The following PAK1 variants were observed in gnomAD, a reference collection of about 807,000 sequenced individuals.
The protein encoded by PAK1 is p21 (RAC1) activated kinase 1, also known as serine/threonine-protein kinase PAK 1.
PAK1 carries 29 observed loss-of-function variants against 67.4 expected under a neutral mutation model. The ratio of observed to expected loss-of-function variants is 0.43; its 90% CI spans 0.32 to 0.59. PAK1 has a LOEUF of 0.59. Among genes scored for constraint, PAK1 ranks in the 20% least tolerant of loss-of-function variants. The probability of loss-of-function intolerance (pLI) is 0.07; values close to 1 mark genes in which losing one functional copy is unlikely to be tolerated. For missense variants in PAK1, 337 were observed against 670.7 expected (o/e 0.50, Z 5.50); for synonymous variants, 223 against 237.4 (o/e 0.94, Z 0.56).
At chr11:77,452,146 T>C (rs1296632523) in intron 1 of PAK1, among the ~76,000 whole-genome samples, 1 of 152,208 alleles carries the variant, frequency 6.6e-6, no homozygotes, top group Non-Finnish European at 1.5e-5. Flanking sequence ...CACTTTAAAG[T>C]CTTCATTTCA....
At chr11:77,348,098 A>C (rs1321129540) in intron 9 of PAK1, among the ~76,000 whole-genome samples, 1 of 152,208 alleles carries the variant, frequency 6.6e-6, no homozygotes, top group African/African-American at 2.4e-5. Flanking sequence ...GAGCCTAGTG[A>C]GATATGTGCT....
upstream of PAK1, chr11:77,476,619 C>T (rs1205880302): frequency 6.6e-6 from 1 of 152,216 alleles, no homozygotes; most frequent in Non-Finnish European, 1.5e-5. Flanking sequence ...AGATGGTATC[C>T]TGATGATACC....
intron 12 of PAK1, 85 bp downstream of exon 12, chr11:77,337,239 T>C (rs1942853777): frequency 1.6e-6 from 1 of 608,736 alleles, no homozygotes. Flanking sequence ...GTGAGTGTCG[T>C]AGTTACTATT....
chr11:77,500,248 C>A, the PAK1 span, among the ~76,000 whole-genome samples: 1 of 152,248 alleles, frequency 6.6e-6, no homozygotes, highest in Non-Finnish European at 1.5e-5. Flanking sequence ...GTGGGCGGAT[C>A]ACAAGGTCAG....
At chr11:77,453,571 T>A (rs1335596369) in intron 1 of PAK1, among the ~76,000 whole-genome samples, 13 of 150,094 alleles carry the variant, frequency 8.7e-5, no homozygotes, top group Admixed American at 5.3e-4. Context: ...TTTAATTACC[T>A]CACAGGAGAA....
intron 1 of PAK1, among the ~76,000 whole-genome samples, chr11:77,443,849 T>A (rs754089826): frequency 1.1e-4 from 16 of 152,208 alleles, no homozygotes; most frequent in Non-Finnish European, 1.5e-4. Context: ...TGAACCTGTC[T>A]AGGGCACCAA....
intron 1 of PAK1, among the ~76,000 whole-genome samples, chr11:77,451,760 G>A (rs919541837): frequency 1.7e-4 from 25 of 150,468 alleles, no homozygotes; most frequent in South Asian, 8.4e-4. Context: ...CACCACGCCC[G>A]GCTAATTTTT....
chr11:77,465,634 C>G (rs1002565054), intron 1 of PAK1, among the ~76,000 whole-genome samples: 1 of 151,924 alleles, frequency 6.6e-6, no homozygotes, highest in Non-Finnish European at 1.5e-5. Context: ...TGAGATAATT[C>G]CATATGAGAA....
At chr11:77,430,755 T>C (rs1955822226) in intron 1 of PAK1, among the ~76,000 whole-genome samples, 1 of 152,238 alleles carries the variant, frequency 6.6e-6, no homozygotes, top group African/African-American at 2.4e-5. Flanking sequence ...ATAATTGTTG[T>C]AAAGCGTTAG....
At chr11:77,327,038 T>C (rs1259372512) in intron 14 of PAK1, among the ~76,000 whole-genome samples, 1 of 152,094 alleles carries the variant, frequency 6.6e-6, no homozygotes, top group East Asian at 1.9e-4. Flanking sequence ...GTATCAGTGA[T>C]GGAAGACGAA....
intron 5 of PAK1, among the ~76,000 whole-genome samples, chr11:77,367,730 G>T (rs180752259): frequency 6.6e-6 from 1 of 152,320 alleles, no homozygotes; most frequent in East Asian, 1.9e-4. Flanking sequence ...TGTAATCCCA[G>T]CACTCTGGGA....
chr11:77,324,348 T>C (rs1450951066), intron 14 of PAK1, among the ~76,000 whole-genome samples: 2 of 151,964 alleles, frequency 1.3e-5, no homozygotes, highest in African/African-American at 4.8e-5. Flanking sequence ...AATTTTTGTA[T>C]TTTTAGTAGA....
intron 11 of PAK1, 114 bp downstream of exon 11, chr11:77,340,532 T>C: frequency 1.4e-6 from 1 of 714,308 alleles, no homozygotes; most frequent in South Asian, 1.6e-5. Flanking sequence ...GTGTCAGCAC[T>C]AATTTCTACC....
the PAK1 span, among the ~76,000 whole-genome samples, chr11:77,494,510 A>C: frequency 6.6e-6 from 1 of 151,988 alleles, no homozygotes; most frequent in South Asian, 2.1e-4. Flanking sequence ...CTACAGGTAC[A>C]TGCCACTGCA....
At chr11:77,426,482 C>T (rs923767841) in intron 1 of PAK1, among the ~76,000 whole-genome samples, 3 of 152,044 alleles carry the variant, frequency 2.0e-5, no homozygotes, top group African/African-American at 4.8e-5. Context: ...GTAAGAAAAT[C>T]GGGGCACAGA....
chr11:77,489,583 C>T, the PAK1 span, among the ~76,000 whole-genome samples: 64 of 152,252 alleles, frequency 4.2e-4, no homozygotes, highest in African/African-American at 1.4e-3. Flanking sequence ...GGAGTGCCTG[C>T]GATTGCAGGC....
intron 6 of PAK1, among the ~76,000 whole-genome samples, chr11:77,358,051 T>A (rs1172255146): frequency 6.6e-6 from 1 of 152,176 alleles, no homozygotes; most frequent in Non-Finnish European, 1.5e-5. Flanking sequence ...TCCTAATAGG[T>A]CATATAATTC....
At chr11:77,394,778 G>A (rs1422024962) in intron 1 of PAK1, among the ~76,000 whole-genome samples, 1 of 152,224 alleles carries the variant, frequency 6.6e-6, no homozygotes, top group South Asian at 2.1e-4. Context: ...CCGGGAGGCA[G>A]AGGTTGCAGT....
intron 14 of PAK1, among the ~76,000 whole-genome samples, chr11:77,331,703 T>A (rs1368937055): frequency 6.6e-6 from 1 of 151,646 alleles, no homozygotes; most frequent in Non-Finnish European, 1.5e-5. Flanking sequence ...AGTTAATGGG[T>A]ACAGCACACC....
Sources: allele counts gnomAD v4.1 joint callset (sites outside exome capture counted in the v4.1 genomes callset), GRCh38; gene constraint gnomAD v4.1.1; transcripts MANE v1.5; gene names NCBI Gene and HGNC (gene_info 2026-07-23, HGNC 2026-07-21).